WWOX: variants seen among roughly 807,000 people sequenced by gnomAD.
The protein encoded by WWOX is WW domain containing oxidoreductase.
WWOX carries 69 observed loss-of-function variants against 46.2 expected under a neutral mutation model. The observed-to-expected ratio is 1.49, with a 90% CI of 1.23 to 1.82. WWOX has a LOEUF of 1.82. Ranked by LOEUF, WWOX falls within the 40% of genes most tolerant of loss-of-function variation. The pLI, the probability that WWOX is intolerant of heterozygous loss-of-function variation, is 0.00. For synonymous variants in WWOX, 359 were observed against 202.6 expected (o/e 1.77, Z -6.56); for missense variants, 919 against 542.6 (o/e 1.69, Z -6.89).
intron 4 of WWOX, among the ~76,000 whole-genome samples, chr16:78,153,715 C>A (rs529414074): frequency 6.6e-6 from 1 of 152,040 alleles, no homozygotes; most frequent in Non-Finnish European, 1.5e-5. Flanking sequence ...TAATAACCAC[C>A]CATTAGAAAT....
At chr16:78,518,901 C>T (rs893250794) in intron 8 of WWOX, among the ~76,000 whole-genome samples, 11 of 152,174 alleles carry the variant, frequency 7.2e-5, no homozygotes, top group African/African-American at 1.4e-4. Context: ...TTGGTACTCA[C>T]GGGTGTTATG....
chr16:78,388,546 C>T (rs976618228), intron 6 of WWOX, among the ~76,000 whole-genome samples: 57 of 144,066 alleles, frequency 4.0e-4, no homozygotes, highest in African/African-American at 1.4e-3. Context: ...ACTTGGGAGG[C>T]TGAGGCAGGA....
At chr16:78,763,095 C>G (rs1339704120) in intron 8 of WWOX, among the ~76,000 whole-genome samples, 2 of 152,200 alleles carry the variant, frequency 1.3e-5, no homozygotes, top group Non-Finnish European at 2.9e-5. Context: ...AGCACCTACT[C>G]TGTGCCAAAG....
At position 79,167,822 on chromosome 16, in the gene WWOX, GCCA is replaced by G. The variant is rs1385511628; in HGVS notation, c.1057-43783_1057-43781del. On this transcript the variant is annotated intron_variant, in intron 8 of 8. Coordinates refer to ENST00000566780, the MANE Select transcript of WWOX (RefSeq NM_016373.4). Reference sequence around the variant, plus strand: ...TGGCATTTAGTGAACTCAGTGTTATGCCACCGTCACCTCTTTTTAGTTTCAAAA... The same window carrying G: ...TGGCATTTAGTGAACTCAGTGTTATGCCGTCACCTCTTTTTAGTTTCAAAA... Among the ~76,000 whole-genome samples the G allele has an allele frequency of 2.0e-5, 3 of 152,108 alleles. 1 individual carries two copies. The highest frequency in any genetic ancestry group is 4.4e-5 in the Non-Finnish European group (3 of 68,010).
At chr16:78,357,220 G>T (rs570627368) in intron 5 of WWOX, among the ~76,000 whole-genome samples, 2 of 152,174 alleles carry the variant, frequency 1.3e-5, no homozygotes, top group African/African-American at 4.8e-5. Context: ...TGCTAGCTGG[G>T]TTCTCTGGAT....
chr16:78,470,576 C>T (rs2084198888), intron 8 of WWOX, among the ~76,000 whole-genome samples: 1 of 152,170 alleles, frequency 6.6e-6, no homozygotes, highest in Admixed American at 6.5e-5. Context: ...GTCGCCCAGG[C>T]TGGAGTGCAA....
At chr16:78,778,994 T>C (rs955069132) in intron 8 of WWOX, among the ~76,000 whole-genome samples, 12 of 152,280 alleles carry the variant, frequency 7.9e-5, no homozygotes, top group Admixed American at 7.9e-4. Flanking sequence ...CTCCATCTAT[T>C]TCAGGGGATG....
intron 8 of WWOX, among the ~76,000 whole-genome samples, chr16:78,748,639 C>A (rs1303840689): frequency 6.6e-6 from 1 of 152,148 alleles, no homozygotes; most frequent in Non-Finnish European, 1.5e-5. Flanking sequence ...AGTCACTGGG[C>A]CCAGATAGGA....
At chr16:78,599,089 C>G (rs1332422314) in intron 8 of WWOX, among the ~76,000 whole-genome samples, 1 of 152,152 alleles carries the variant, frequency 6.6e-6, no homozygotes, top group Admixed American at 6.5e-5. Flanking sequence ...GGTGTCCGAT[C>G]AGAACCTGAA....
intron 8 of WWOX, among the ~76,000 whole-genome samples, chr16:78,713,949 T>G (rs1189490952): frequency 6.6e-6 from 1 of 152,176 alleles, no homozygotes; most frequent in Non-Finnish European, 1.5e-5. Context: ...TCTGTAGTCC[T>G]GGCTCTGTCT....
rs1481504637 is a variant in WWOX at position 78,567,066 on chromosome 16, A to C, written c.1056+134314A>C. 2.6e-5 allele frequency among the ~76,000 whole-genome samples: 4 copies of C among 152,190 alleles called. No individual in the cohort carries two copies. In the East Asian group the frequency reaches 7.7e-4, roughly 29 times the overall value. On this transcript the variant is annotated intron_variant, in intron 8 of 8. Transcript: ENST00000566780. ...TTATTTGTTAATCCCACCCTAAGTGATAGGTGTATTCATCATTCTCAGTAT... is the reference window on the plus strand; with the variant it reads ...TTATTTGTTAATCCCACCCTAAGTGCTAGGTGTATTCATCATTCTCAGTAT...
chr16:78,525,030 T>G (rs1210161266), intron 8 of WWOX, among the ~76,000 whole-genome samples: 1 of 151,448 alleles, frequency 6.6e-6, no homozygotes. Context: ...CACACTTGGC[T>G]ACTTGTTTAA....
At chr16:78,666,994 C>A (rs746658944) in intron 8 of WWOX, among the ~76,000 whole-genome samples, 1 of 152,094 alleles carries the variant, frequency 6.6e-6, no homozygotes, top group Admixed American at 6.5e-5. Flanking sequence ...TAGTTGTCTT[C>A]CTTTTATCTC....
chr16:78,602,897 G>A (rs893758758), intron 8 of WWOX, among the ~76,000 whole-genome samples: 6 of 152,090 alleles, frequency 3.9e-5, no homozygotes, highest in Non-Finnish European at 8.8e-5. Flanking sequence ...TTGAATCTCC[G>A]CTCTGTCTTC....
chr16:78,245,303 T>A (rs1261836100), intron 5 of WWOX, among the ~76,000 whole-genome samples: 1 of 152,214 alleles, frequency 6.6e-6, no homozygotes, highest in African/African-American at 2.4e-5. Flanking sequence ...ATTTTTAGGT[T>A]GTCACTAACT....
intron 8 of WWOX, among the ~76,000 whole-genome samples, chr16:78,989,864 G>A (rs910219509): frequency 6.7e-6 from 1 of 148,936 alleles, no homozygotes; most frequent in African/African-American, 2.5e-5. Context: ...GTGATTGAGA[G>A]AGAGAGAGAC....
At chr16:78,579,504 A>G (rs1485871965) in intron 8 of WWOX, among the ~76,000 whole-genome samples, 2 of 152,150 alleles carry the variant, frequency 1.3e-5, no homozygotes, top group East Asian at 3.9e-4. Context: ...AGGAAACAAC[A>G]TGAGATGAGG....
At chr16:78,643,155 G>C (rs1335239290) in intron 8 of WWOX, among the ~76,000 whole-genome samples, 1 of 152,092 alleles carries the variant, frequency 6.6e-6, no homozygotes, top group African/African-American at 2.4e-5. Flanking sequence ...AAGAGGATCC[G>C]ACAGCTCTGG....
chr16:78,131,620 C>A (rs190279075), intron 4 of WWOX, among the ~76,000 whole-genome samples: 2 of 151,628 alleles, frequency 1.3e-5, no homozygotes, highest in African/African-American at 4.8e-5. Context: ...CTCACTCTGT[C>A]GCCCAGGATG....
Sources: gnomAD v4.1 joint callset for allele counts (sites outside exome capture counted in the v4.1 genomes callset) on GRCh38, gnomAD v4.1.1 for gene constraint, MANE v1.5 for transcripts, NCBI Gene and HGNC (gene_info 2026-07-23, HGNC 2026-07-21) for gene names.